CEP112: variants seen among roughly 807,000 people sequenced by gnomAD.
CEP112 encodes centrosomal protein 112, also known as centrosomal protein of 112 kDa.
CEP112 carries 127 observed loss-of-function variants against 153.0 expected under a neutral mutation model. That is an observed-to-expected ratio of 0.83 (90% CI 0.72 to 0.96). The LOEUF (loss-of-function observed/expected upper bound fraction) is 0.96. Ranked by LOEUF, CEP112 falls within the 40% of genes least tolerant of loss-of-function variation. The pLI is 0.00. For missense variants in CEP112, 1,089 were observed against 1,101.2 expected, an observed-to-expected ratio of 0.99 and a Z score of 0.16; for synonymous variants, 358 against 374.4, an observed-to-expected ratio of 0.96 and a Z score of 0.51.
chr17:65,758,572 A>C lies in CEP112; in HGVS notation c.2395-7848T>G, dbSNP rs146401383. The stretch of plus-strand genomic sequence containing the variant: ...GGTTCAGGCATTCATGATTTCCAGG[A>C]AAGTGATTTGGAGAGAAGAAAATTA... On this transcript the variant is annotated intron_variant, in intron 21 of 26. Coordinates refer to ENST00000535342, the MANE Select transcript of CEP112 (RefSeq NM_001199165.4). 6.7e-4 allele frequency among the ~76,000 whole-genome samples: 102 copies of C among 152,294 alleles called. 1 individual carries two copies. The East Asian group carries it at 0.018, about 27-fold the overall frequency.
chr17:65,805,765 T>C (rs1051131972), intron 21 of CEP112, among the ~76,000 whole-genome samples: 5 of 152,182 alleles, frequency 3.3e-5, no homozygotes, highest in African/African-American at 1.2e-4. Context: ...GTTGAAAAAA[T>C]AATCTGAATT....
At chr17:66,007,495 A>C (rs193052390) in intron 16 of CEP112, among the ~76,000 whole-genome samples, 1 of 152,236 alleles carries the variant, frequency 6.6e-6, no homozygotes, top group East Asian at 1.9e-4. Flanking sequence ...CATAGTAAGC[A>C]TACTATACTA....
At chr17:65,712,412 T>C (rs1480815804) in intron 23 of CEP112, among the ~76,000 whole-genome samples, 2 of 151,514 alleles carry the variant, frequency 1.3e-5, no homozygotes, top group African/African-American at 4.9e-5. Context: ...TGTATTTATA[T>C]GTCAGGTGGA....
At chr17:65,859,439 C>CAAAAA (rs57675567) in intron 20 of CEP112, among the ~76,000 whole-genome samples, 8 of 93,610 alleles carry the variant, frequency 8.5e-5, no homozygotes, top group South Asian at 3.5e-4. Flanking sequence ...GACTCCATCT[C>CAAAAA]AAAAAAAAAA....
chr17:65,797,084 C>CAACAACAAA lies in CEP112; in HGVS notation c.2395-46361_2395-46360insTTTGTTGTT, dbSNP rs2054975534. On this transcript the variant is annotated intron_variant, in intron 21 of 26. Transcript: ENST00000535342. ...ACAACAACAACAACAACAACAACAA[C>CAACAACAAA]AACAAAACCCATCTTTGATAGCCAT... 2.6e-5 allele frequency: 4 copies of CAACAACAAA among 152,042 alleles called. No individual in the cohort carries two copies. In the South Asian group the frequency reaches 8.4e-4, roughly 32 times the overall value. The allele number at this position is 152,042 out of a possible 1,614,324, so 9.4% of individuals were successfully genotyped here.
rs184403249 is a variant in CEP112, at chr17:65,979,254, T to A, written c.1737-17656A>T. Among the ~76,000 whole-genome samples the A allele has an allele frequency of 1.6e-3, 246 of 152,102 alleles. 2 individuals are homozygous for A. The highest frequency in any genetic ancestry group is 5.6e-3 in the African/African-American group (231 of 41,456). On this transcript the variant is annotated intron_variant, in intron 17 of 26. Coordinates refer to ENST00000535342, the MANE Select transcript of CEP112 (RefSeq NM_001199165.4). ...TTTAATTTTATTTATTTATTTATTT[T>A]TTGCTTTTTGAGACAAGGTCTCACT...
intron 6 of CEP112, among the ~76,000 whole-genome samples, chr17:66,112,734 A>G (rs1264329008): frequency 6.6e-6 from 1 of 152,218 alleles, no homozygotes. Flanking sequence ...ACTCGAGGTC[A>G]GGCGTTCGAG....
intron 18 of CEP112, among the ~76,000 whole-genome samples, chr17:65,929,584 C>T (rs150161698): frequency 6.6e-6 from 1 of 152,324 alleles, no homozygotes; most frequent in East Asian, 1.9e-4. Flanking sequence ...TTTTGTTCCA[C>T]AGGATATATC....
intron 19 of CEP112, among the ~76,000 whole-genome samples, chr17:65,903,532 G>A (rs1356751715): frequency 6.6e-6 from 1 of 152,142 alleles, no homozygotes; most frequent in African/African-American, 2.4e-5. Context: ...TTCTTATTGT[G>A]ATTAAAGAGT....
intron 17 of CEP112, among the ~76,000 whole-genome samples, 185 bp downstream of exon 17, chr17:66,005,505 C>CT (rs1318695012): frequency 4.9e-5 from 6 of 122,036 alleles, no homozygotes; most frequent in South Asian, 3.5e-4. Context: ...ACTGATTTTT[C>CT]TTTTAAAAAA....
At position 66,060,813 on chromosome 17, in the gene CEP112, A is replaced by C. The variant is rs1040055252; in HGVS notation, c.1074+2150T>G. 2.6e-5 allele frequency among the ~76,000 whole-genome samples: 4 copies of C among 152,096 alleles called. No individual in the cohort carries two copies. The East Asian group carries it at 5.8e-4, about 22-fold the overall frequency. ...CAAAACTATGGAACTACTAGGAGAA[A>C]ACATAGAGGAAAAGCTCCATGACAT... is the stretch of plus-strand genomic sequence containing the variant. On this transcript the variant is annotated intron_variant, in intron 11 of 26. Transcript: ENST00000535342.
chr17:65,964,939 A>G (rs1262637640), intron 17 of CEP112, among the ~76,000 whole-genome samples: 1 of 152,236 alleles, frequency 6.6e-6, no homozygotes, highest in Non-Finnish European at 1.5e-5. Flanking sequence ...AAGTTTATAT[A>G]TCACTTACTT....
At chr17:65,925,100 C>T (rs753739563) in intron 19 of CEP112, among the ~76,000 whole-genome samples, 32 of 152,146 alleles carry the variant, frequency 2.1e-4, no homozygotes, top group Admixed American at 8.5e-4. Context: ...GTGTGAAGGG[C>T]GGGACCAGGT....
chr17:65,981,781 T>A (rs2319107), intron 17 of CEP112, among the ~76,000 whole-genome samples: 5 of 151,950 alleles, frequency 3.3e-5, no homozygotes, highest in African/African-American at 1.2e-4. Flanking sequence ...CGCCATATTG[T>A]CCAGGCTGGT....
chr17:65,771,977 G>A (rs1409729402), intron 21 of CEP112, among the ~76,000 whole-genome samples: 1 of 151,900 alleles, frequency 6.6e-6, no homozygotes, highest in Admixed American at 6.6e-5. Context: ...AGCTGTGATA[G>A]TGGCACTGCT....
intron 21 of CEP112, among the ~76,000 whole-genome samples, chr17:65,794,414 C>T (rs1417399742): frequency 6.6e-6 from 1 of 152,044 alleles, no homozygotes; most frequent in Non-Finnish European, 1.5e-5. Flanking sequence ...CTCCTTCTTT[C>T]CTTTCCTTCC....
At chr17:66,102,809 A>C (rs917290002) in intron 6 of CEP112, among the ~76,000 whole-genome samples, 4 of 151,812 alleles carry the variant, frequency 2.6e-5, no homozygotes, top group Non-Finnish European at 5.9e-5. Flanking sequence ...AAAAAAAAAA[A>C]AAAGAATTAA....
intron 21 of CEP112, among the ~76,000 whole-genome samples, chr17:65,823,891 A>C (rs1028559396): frequency 6.6e-5 from 10 of 152,204 alleles, no homozygotes; most frequent in African/African-American, 2.4e-4. Context: ...GTCATTAGGG[A>C]AATGCATGAA....
intron 1 of CEP112, among the ~76,000 whole-genome samples, chr17:66,184,479 T>C (rs2072848259): frequency 6.6e-6 from 1 of 152,136 alleles, no homozygotes; most frequent in African/African-American, 2.4e-5. Flanking sequence ...TTAGTCCCTT[T>C]ACCAAAGAAG....
Sources: gnomAD v4.1 joint callset for allele counts (sites outside exome capture counted in the v4.1 genomes callset) on GRCh38, gnomAD v4.1.1 for gene constraint, MANE v1.5 for transcripts, NCBI Gene and HGNC (gene_info 2026-07-23, HGNC 2026-07-21) for gene names.